NLRP14: variants seen among roughly 807,000 people sequenced by gnomAD.
The protein encoded by NLRP14 is NACHT, LRR and PYD domains-containing protein 14.
NLRP14 carries 105 observed loss-of-function variants against 94.7 expected under a neutral mutation model. That is an observed-to-expected ratio of 1.11 (90% CI 0.95 to 1.30). The LOEUF is 1.30. NLRP14 is among the 50% of genes most tolerant of loss of function. NLRP14 has a pLI of 0.00. For missense variants in NLRP14, 1,362 were observed against 1,254.1 expected, an observed-to-expected ratio of 1.09 and a Z score of -1.30; for synonymous variants, 508 against 459.9, an observed-to-expected ratio of 1.10 and a Z score of -1.34.
chr11:7,049,681 AT>A lies in NLRP14; in HGVS notation c.2135del (p.Ile712ThrfsTer14), dbSNP rs746867987. The A allele has an allele frequency of 7.4e-6, 12 of 1,612,006 alleles. No homozygotes were observed. In the Admixed American group the frequency reaches 2.0e-4, roughly 27 times the overall value. Reference sequence around the variant, plus strand: ...ATTTTTCTTCTGAAGGTTGAAATTTATCACTTTCCCTGATGGTTGTCAGGAT... The same window carrying A: ...ATTTTTCTTCTGAAGGTTGAAATTTACACTTTCCCTGATGGTTGTCAGGAT... ...CKLQKLLLKFITFPDGCQDIS... is the reference protein window; with the variant it reads ...CKLQKLLLKFXTFPDGCQDIS... On this transcript the variant is annotated frameshift_variant, in exon 6 of 12. Coordinates refer to ENST00000299481, the MANE Select transcript of NLRP14 (RefSeq NM_176822.4). LOFTEE classifies it high-confidence loss of function.
intron 10 of NLRP14, among the ~76,000 whole-genome samples, chr11:7,064,817 ATAC>A (rs998822264): frequency 2.6e-5 from 4 of 151,978 alleles, no homozygotes; most frequent in African/African-American, 9.7e-5. Context: ...ATTTTCCTAT[ATAC>A]TCTTTTTTTT....
intron 1 of NLRP14, among the ~76,000 whole-genome samples, chr11:7,027,246 A>C (rs1225538951): frequency 6.6e-6 from 1 of 151,788 alleles, no homozygotes; most frequent in African/African-American, 2.4e-5. Flanking sequence ...GCCCTGTTTT[A>C]GTTAGTGTAG....
chr11:7,072,083 G>A (rs1389132233), downstream of NLRP14, among the ~76,000 whole-genome samples: 2 of 152,164 alleles, frequency 1.3e-5, no homozygotes, highest in Admixed American at 6.5e-5. Context: ...TTTATTGATC[G>A]TGTAACAAAC....
At position 7,038,793 on chromosome 11, in the gene NLRP14, G is replaced by A. The variant is rs780359472; in HGVS notation, c.207G>A (p.Glu69=). ...TGATGAAGAAATATTATCCAGGAGA[G>A]AAAGCCTGGAGTGTGTCTCTCAAAA... ...ANLMKKYYPG[E]KAWSVSLKIF... is the part of the protein sequence containing the mutation. The change falls in exon 2 of 12, where the codon GAG becomes GAA. Residue 69 remains glutamate, a synonymous_variant. Coordinates refer to ENST00000299481, the MANE Select transcript of NLRP14 (RefSeq NM_176822.4). The A allele has an allele frequency of 6.2e-7, 1 of 1,613,086 alleles. No individual in the cohort carries two copies. Among genetic ancestry groups the A allele is most frequent in the Admixed American group, 1.7e-5 (1 of 59,864 alleles).
chr11:7,078,909 C>G, the NLRP14 span, among the ~76,000 whole-genome samples: 2 of 152,132 alleles, frequency 1.3e-5, no homozygotes, highest in African/African-American at 2.4e-5. Context: ...CATGTCTGGA[C>G]CATTGAACCA....
downstream of NLRP14, among the ~76,000 whole-genome samples, chr11:7,071,786 G>T (rs1304593400): frequency 6.6e-6 from 1 of 151,626 alleles, no homozygotes; most frequent in Non-Finnish European, 1.5e-5. Flanking sequence ...CCCCACACTA[G>T]ACTTACCAAA....
At chr11:7,059,280 A>G (rs993344836) in intron 8 of NLRP14, among the ~76,000 whole-genome samples, 3 of 151,554 alleles carry the variant, frequency 2.0e-5, no homozygotes, top group African/African-American at 7.3e-5. Flanking sequence ...CATTTTTAGA[A>G]CAGATAAGTT....
At chr11:7,033,807 G>A (rs1852127048) in intron 1 of NLRP14, among the ~76,000 whole-genome samples, 1 of 152,202 alleles carries the variant, frequency 6.6e-6, no homozygotes, top group Admixed American at 6.5e-5. Context: ...TGATGACCTT[G>A]ACAGTTCTGA....
rs1467836176 is a variant in NLRP14 at position 7,062,368 on chromosome 11, T to G, written c.2840T>G (p.Leu947Arg). The change falls in exon 10 of 12, where the codon CTG becomes CGG. Residue 947 changes from leucine to arginine, a missense_variant. Coordinates refer to ENST00000299481, the MANE Select transcript of NLRP14 (RefSeq NM_176822.4). ...TGTGTTCTCACTAATGCATGTTGTC[T>G]GGATCTGGCTTCTGTTATTTTGAAT... Reference protein sequence around the residue: ...MGCVLTNACCLDLASVILNNP... With the variant: ...MGCVLTNACCRDLASVILNNP... 2 of 1,613,192 alleles carry G rather than the reference T, an allele frequency of 1.2e-6. No homozygotes were observed. Among genetic ancestry groups the G allele is most frequent in the South Asian group, 2.2e-5 (2 of 91,054 alleles).
downstream of NLRP14, among the ~76,000 whole-genome samples, chr11:7,074,618 G>A (rs1241658893): frequency 6.6e-6 from 1 of 152,188 alleles, no homozygotes; most frequent in Non-Finnish European, 1.5e-5. Flanking sequence ...GAGGAAGACA[G>A]CTTTTCTAAT....
downstream of NLRP14, among the ~76,000 whole-genome samples, chr11:7,073,043 A>C (rs887256080): frequency 2.6e-5 from 4 of 152,042 alleles, no homozygotes; most frequent in Non-Finnish European, 5.9e-5. Context: ...TATCTGTCTA[A>C]CTACCTACTC....
chr11:7,057,874 A>G, intron 7 of NLRP14, 27 bp downstream of exon 7: 1 of 1,598,514 alleles, frequency 6.3e-7, no homozygotes, highest in Non-Finnish European at 8.6e-7. Flanking sequence ...TGTTTTCTGT[A>G]GAGTCATTTT....
chr11:7,080,790 C>T, the NLRP14 span, among the ~76,000 whole-genome samples: 1 of 152,214 alleles, frequency 6.6e-6, no homozygotes, highest in African/African-American at 2.4e-5. Flanking sequence ...AAACACGAAA[C>T]ACGGCTTGGC....
chr11:7,072,395 C>T (rs1006929823), downstream of NLRP14, among the ~76,000 whole-genome samples: 1 of 152,218 alleles, frequency 6.6e-6, no homozygotes, highest in Admixed American at 6.5e-5. Context: ...GGAAAGAATT[C>T]AACTGAGAGG....
rs79694361 is a variant in NLRP14 at position 7,058,108 on chromosome 11, C to T, written c.2463-172C>T. Reference sequence around the variant, plus strand: ...CCCTCTCCCCTTCCGTGTTTTGTTTCATCATATCCTGCATACAGCTGCAAT... The same window carrying T: ...CCCTCTCCCCTTCCGTGTTTTGTTTTATCATATCCTGCATACAGCTGCAAT... On this transcript the variant is annotated intron_variant, in intron 7 of 11. Transcript: ENST00000299481. Among the ~76,000 whole-genome samples, 5,567 of 151,832 alleles carry T rather than the reference C, an allele frequency of 0.037. 132 individuals are homozygous for T. Among genetic ancestry groups the T allele is most frequent in the Non-Finnish European group, 0.055 (3,709 of 67,872 alleles).
intron 8 of NLRP14, among the ~76,000 whole-genome samples, chr11:7,059,095 T>G (rs1852569720): frequency 6.6e-6 from 1 of 151,678 alleles, no homozygotes; most frequent in Non-Finnish European, 1.5e-5. Flanking sequence ...CTTGAGCATC[T>G]TTTCAAATGT....
intron 3 of NLRP14, among the ~76,000 whole-genome samples, chr11:7,040,419 A>G (rs1281673395): frequency 6.6e-6 from 1 of 152,166 alleles, no homozygotes; most frequent in Non-Finnish European, 1.5e-5. Context: ...TATGCTCCTT[A>G]TGAGAATCTG....
At chr11:7,030,918 T>C (rs902735) in intron 1 of NLRP14, among the ~76,000 whole-genome samples, 3,468 of 152,294 alleles carry the variant, frequency 0.023, 133 homozygotes, top group African/African-American at 0.077. Context: ...ACACTGAATC[T>C]TCTGCGGTAA....
At chr11:7,046,938 A>G (rs1852361795) in intron 5 of NLRP14, 106 bp downstream of exon 5, 2 of 858,908 alleles carry the variant, frequency 2.3e-6, no homozygotes, top group East Asian at 4.9e-5. Flanking sequence ...AAATACTTAC[A>G]ATCCATTTTG....
Sources: gnomAD v4.1 joint callset for allele counts (sites outside exome capture counted in the v4.1 genomes callset) on GRCh38, gnomAD v4.1.1 for gene constraint, MANE v1.5 for transcripts, NCBI Gene and HGNC (gene_info 2026-07-23, HGNC 2026-07-21) for gene names.